Variants in OPCML observed in about 807,000 individuals in gnomAD.
OPCML encodes the protein opioid binding protein/cell adhesion molecule like, also known as opioid-binding protein/cell adhesion molecule.
In OPCML, 13 loss-of-function variants were observed where a neutral mutation model predicts 37.8. The ratio of observed to expected loss-of-function variants is 0.34; its 90% CI spans 0.22 to 0.55. The LOEUF (loss-of-function observed/expected upper bound fraction) is 0.55, where lower values mean the gene tolerates loss of function less well. Ranked by LOEUF, OPCML falls within the 20% of genes least tolerant of loss-of-function variation. The probability of loss-of-function intolerance (pLI) is 0.91; values close to 1 mark genes in which losing one functional copy is unlikely to be tolerated. For synonymous variants in OPCML, 176 were observed against 168.8 expected (o/e 1.04, Z -0.33); for missense variants, 341 against 435.6 (o/e 0.78, Z 1.93).
intron 4 of OPCML, among the ~76,000 whole-genome samples, chr11:132,458,797 A>G (rs2509237): frequency 0.46 from 69,850 of 151,994 alleles, 17,755 homozygotes; most frequent in East Asian, 0.86. Context: ...AGAGACAGGT[A>G]GATCCCCACA....
chr11:133,414,806 G>A (rs1226300164), intron 1 of OPCML, among the ~76,000 whole-genome samples: 1 of 152,074 alleles, frequency 6.6e-6, no homozygotes, highest in East Asian at 1.9e-4. Flanking sequence ...CTCAACCCCA[G>A]TATTCTCTGC....
intron 2 of OPCML, among the ~76,000 whole-genome samples, chr11:132,929,552 G>A (rs1288326056): frequency 6.6e-6 from 1 of 152,000 alleles, no homozygotes; most frequent in African/African-American, 2.4e-5. Flanking sequence ...CACTCTATAA[G>A]CCAATATTAT....
chr11:133,087,096 C>T (rs531080645), intron 1 of OPCML, among the ~76,000 whole-genome samples: 15 of 152,252 alleles, frequency 9.9e-5, no homozygotes, highest in South Asian at 2.1e-4. Flanking sequence ...TAACAGACGA[C>T]GAACTTAAGA....
At chr11:133,070,606 A>G (rs1032051617) in intron 1 of OPCML, among the ~76,000 whole-genome samples, 5 of 152,246 alleles carry the variant, frequency 3.3e-5, no homozygotes, top group Admixed American at 3.3e-4. Flanking sequence ...GGCTAATTCC[A>G]AAGAAGGTGC....
At chr11:132,865,184 ACG>A (rs1156479209) in intron 2 of OPCML, among the ~76,000 whole-genome samples, 1 of 152,220 alleles carries the variant, frequency 6.6e-6, no homozygotes, top group Non-Finnish European at 1.5e-5. Flanking sequence ...ACACACACAT[ACG>A]CGCGCACGCA....
chr11:132,931,304 A>C (rs745380834), intron 2 of OPCML, among the ~76,000 whole-genome samples: 1 of 152,186 alleles, frequency 6.6e-6, no homozygotes, highest in Non-Finnish European at 1.5e-5. Context: ...AAAGGAAAAA[A>C]CAAGAAAAGA....
intron 2 of OPCML, among the ~76,000 whole-genome samples, chr11:132,743,617 T>C (rs1376461027): frequency 3.3e-5 from 5 of 152,210 alleles, no homozygotes; most frequent in African/African-American, 1.2e-4. Flanking sequence ...ACTACTTCTC[T>C]TCCTGGAATC....
intron 2 of OPCML, among the ~76,000 whole-genome samples, chr11:132,664,671 G>A (rs1339705485): frequency 6.6e-6 from 1 of 152,114 alleles, no homozygotes; most frequent in Non-Finnish European, 1.5e-5. Flanking sequence ...CAACTCCCAA[G>A]GTATTCTAAA....
At chr11:132,479,245 G>C (rs746110077) in intron 4 of OPCML, among the ~76,000 whole-genome samples, 7 of 152,168 alleles carry the variant, frequency 4.6e-5, no homozygotes, top group Non-Finnish European at 8.8e-5. Flanking sequence ...CCCTTTCCTA[G>C]TCAAAGAAAG....
rs192751953 is a variant in OPCML at position 132,887,135 on chromosome 11, G to A, written c.146+55791C>T. On this transcript the variant is annotated intron_variant, in intron 2 of 7. Transcript: ENST00000524381. ...ACTGACAGACCACAAATACAATGGT[G>A]GTCTCGTAGGACCATAATACCATAT... Among the ~76,000 whole-genome samples, 26 of 152,270 alleles carry A rather than the reference G, an allele frequency of 1.7e-4. 1 individual carries two copies. The highest frequency in any genetic ancestry group is 1.2e-4 in the Non-Finnish European group (8 of 68,026).
At chr11:133,399,236 G>A (rs888694617) in intron 1 of OPCML, among the ~76,000 whole-genome samples, 3 of 152,088 alleles carry the variant, frequency 2.0e-5, no homozygotes, top group African/African-American at 7.2e-5. Flanking sequence ...TTTTTGGCAG[G>A]GACTAGCTCA....
intron 2 of OPCML, among the ~76,000 whole-genome samples, chr11:132,694,179 CTTT>C (rs1162305568): frequency 7.0e-5 from 3 of 43,010 alleles, no homozygotes; most frequent in African/African-American, 1.8e-4. Context: ...AAATCAATGT[CTTT>C]TTTTTTTTTT....
chr11:133,292,904 G>A (rs1942519015), intron 1 of OPCML, among the ~76,000 whole-genome samples: 4 of 152,138 alleles, frequency 2.6e-5, no homozygotes, highest in Admixed American at 2.6e-4. Context: ...CTCTGCTTTG[G>A]ACCGTGGGCT....
intron 1 of OPCML, chr11:133,297,727 G>A (rs1179842818): frequency 2.0e-5 from 3 of 152,206 alleles, no homozygotes; most frequent in Non-Finnish European, 4.4e-5. Context: ...CTCCTGGTAA[G>A]TGTATAATGA....
At chr11:132,468,761 T>C (rs1402618803) in intron 4 of OPCML, among the ~76,000 whole-genome samples, 1 of 152,228 alleles carries the variant, frequency 6.6e-6, no homozygotes, top group Non-Finnish European at 1.5e-5. Context: ...GCTCTACCTC[T>C]TTCTGGAAGC....
chr11:132,809,160 T>C, intron 2 of OPCML, among the ~76,000 whole-genome samples: 1 of 152,208 alleles, frequency 6.6e-6, no homozygotes, highest in East Asian at 1.9e-4. Flanking sequence ...TTTTCTTCCA[T>C]AATGCTAACC....
At chr11:133,041,560 A>G (rs966526865) in intron 1 of OPCML, among the ~76,000 whole-genome samples, 1 of 152,170 alleles carries the variant, frequency 6.6e-6, no homozygotes, top group Non-Finnish European at 1.5e-5. Flanking sequence ...ATCTTCGAGT[A>G]TCCTAGCCTG....
At chr11:132,475,588 G>A (rs888104864) in intron 4 of OPCML, among the ~76,000 whole-genome samples, 18 of 152,124 alleles carry the variant, frequency 1.2e-4, no homozygotes, top group African/African-American at 4.3e-4. Context: ...AAGAACATGT[G>A]AAGAGGCTGC....
At chr11:132,479,340 G>A (rs1157160149) in intron 4 of OPCML, among the ~76,000 whole-genome samples, 2 of 152,196 alleles carry the variant, frequency 1.3e-5, no homozygotes. Flanking sequence ...GGATCACCAG[G>A]ATATTATATC....
Sources: allele counts gnomAD v4.1 joint callset (sites outside exome capture counted in the v4.1 genomes callset), GRCh38; gene constraint gnomAD v4.1.1; transcripts MANE v1.5; gene names NCBI Gene and HGNC (gene_info 2026-07-23, HGNC 2026-07-21).